Variants in TMEM260 observed in about 807,000 individuals in gnomAD.
The protein encoded by TMEM260 is protein O-mannosyl-transferase TMEM260.
In TMEM260, 82 loss-of-function variants were observed where a neutral mutation model predicts 88.9. The ratio of observed to expected loss-of-function variants is 0.92; its 90% CI spans 0.77 to 1.11. The LOEUF (loss-of-function observed/expected upper bound fraction) is 1.11. Among genes scored for constraint, TMEM260 ranks in the 50% least tolerant of loss-of-function variants. TMEM260 has a pLI of 0.00. For missense variants in TMEM260, 902 were observed against 853.4 expected (o/e 1.06, Z -0.71); for synonymous variants, 314 against 309.3 (o/e 1.02, Z -0.16).
chr14:56,637,346 TAA>T (rs1889184018), intron 15 of TMEM260, among the ~76,000 whole-genome samples: 1 of 152,196 alleles, frequency 6.6e-6, no homozygotes, highest in South Asian at 2.1e-4. Flanking sequence ...GAAGAGATGA[TAA>T]AGAGTCATGG....
Position 56,585,897 on chromosome 14 carries a change from T to C in TMEM260, c.329T>C (p.Phe110Ser). 2 of 1,612,164 alleles carry C rather than the reference T, an allele frequency of 1.2e-6. No homozygotes were observed. The highest frequency in any genetic ancestry group is 1.7e-6 in the Non-Finnish European group (2 of 1,179,332). Residue 110 changes from phenylalanine (F) to serine (S), a missense_variant, in exon 3 of 16, where the codon TTT (phenylalanine) becomes TCT (serine). Transcript: ENST00000261556. ...GGAGCAGTAGCTGCATCATTACTTT[T>C]TTTCACCGTTTTCAGGTAAAGTAGT... The part of the protein sequence containing the change: ...LFGAVAASLL[F>S]FTVFRLSGSS...
At chr14:56,640,123 T>C (rs949043911) in intron 15 of TMEM260, among the ~76,000 whole-genome samples, 5 of 152,244 alleles carry the variant, frequency 3.3e-5, no homozygotes, top group Non-Finnish European at 7.3e-5. Flanking sequence ...TAAATGTCCC[T>C]GTCTGACAGC....
the TMEM260 span, among the ~76,000 whole-genome samples, chr14:56,659,583 G>A: frequency 2.0e-5 from 3 of 152,172 alleles, no homozygotes; most frequent in African/African-American, 4.8e-5. Flanking sequence ...GGGAGGCTCC[G>A]GAGAGGCCGA....
At chr14:56,623,090 A>G (rs1254397831) in intron 11 of TMEM260, among the ~76,000 whole-genome samples, 1 of 152,240 alleles carries the variant, frequency 6.6e-6, no homozygotes, top group Non-Finnish European at 1.5e-5. Context: ...CATGGGGCTA[A>G]TGATTTTTCC....
chr14:56,640,445 A>G (rs965528116), intron 15 of TMEM260, among the ~76,000 whole-genome samples: 3 of 152,236 alleles, frequency 2.0e-5, no homozygotes, highest in Non-Finnish European at 4.4e-5. Flanking sequence ...CCTGACTGTT[A>G]GAAGGAAAAC....
At chr14:56,597,785 T>G (rs1566536017) in intron 3 of TMEM260, among the ~76,000 whole-genome samples, 1 of 152,050 alleles carries the variant, frequency 6.6e-6, no homozygotes, top group Admixed American at 6.5e-5. Flanking sequence ...AAAATTATTA[T>G]GAAATGAAAT....
chr14:56,601,500 A>G (rs994555439), intron 3 of TMEM260, among the ~76,000 whole-genome samples: 2 of 152,098 alleles, frequency 1.3e-5, no homozygotes, highest in Non-Finnish European at 1.5e-5. Context: ...TAAAGTTACC[A>G]TTTTTCCCTT....
Position 56,616,044 on chromosome 14 carries a change from C to G in TMEM260, c.941+17C>G, listed in dbSNP as rs371761875. ...AGCAACAAAGTAAGTAATACAATTCCTTTTTCTGTTATTTTTCTATGTTCA... is the reference window on the plus strand; with the variant it reads ...AGCAACAAAGTAAGTAATACAATTCGTTTTTCTGTTATTTTTCTATGTTCA... On this transcript the variant is annotated intron_variant, in intron 8 of 15. Coordinates refer to ENST00000261556, the MANE Select transcript of TMEM260 (RefSeq NM_017799.4). 22 of 1,557,758 alleles carry G rather than the reference C, an allele frequency of 1.4e-5. No homozygotes were observed. Among genetic ancestry groups the G allele is most frequent in the Admixed American group, 1.3e-4 (8 of 59,522 alleles).
chr14:56,636,494 A>T lies in TMEM260; in HGVS notation c.1779-14A>T. The T allele has an allele frequency of 6.2e-7, 1 of 1,612,450 alleles. No homozygotes were observed. The highest frequency in any genetic ancestry group is 1.1e-5 in the South Asian group (1 of 91,032). On this transcript the variant is annotated splice_polypyrimidine_tract_variant and intron_variant, in intron 14 of 15. Transcript: ENST00000261556. ...CTGTATGATTTTAATGAAGGTTCCT[A>T]TCCCCACCCCCAGGATGAAAACACC...
chr14:56,640,627 G>C (rs1889514344), intron 15 of TMEM260, among the ~76,000 whole-genome samples: 1 of 152,126 alleles, frequency 6.6e-6, no homozygotes, highest in Admixed American at 6.5e-5. Context: ...ACCAGCAATG[G>C]AACAAAGCTG....
chr14:56,612,236 T>G lies in TMEM260; in HGVS notation c.817-9T>G, dbSNP rs746590544. The stretch of plus-strand genomic sequence containing the variant: ...CTTGTGCAGATAAACTTTTGTCTTT[T>G]GTGTTTAGGCCAAATCTGAAATAGG... On this transcript the variant is annotated splice_polypyrimidine_tract_variant and intron_variant, in intron 6 of 15. Transcript: ENST00000261556. 6.2e-6 allele frequency: 10 copies of G among 1,612,910 alleles called. No individual in the cohort carries two copies. In the East Asian group the frequency reaches 2.0e-4, roughly 32 times the overall value.
intron 15 of TMEM260, among the ~76,000 whole-genome samples, chr14:56,641,289 G>A (rs1391433888): frequency 1.3e-5 from 2 of 152,248 alleles, no homozygotes; most frequent in East Asian, 3.9e-4. Context: ...CCCACAAAGG[G>A]AAGCCCATCA....
chr14:56,605,718 AT>A, intron 5 of TMEM260, 35 bp downstream of exon 5: 1 of 1,278,286 alleles, frequency 7.8e-7, no homozygotes, highest in Admixed American at 2.1e-5. Context: ...AAAGTACAAT[AT>A]TTTACTTAGG....
rs1008719712 is a variant in TMEM260, at chr14:56,579,985, G to A, written c.71G>A (p.Gly24Glu). The A allele has an allele frequency of 1.5e-5, 19 of 1,245,240 alleles. No homozygotes were observed. The highest frequency in any genetic ancestry group is 3.0e-6 in the Non-Finnish European group (3 of 989,192). The allele number at this position is 1,245,240 out of a possible 1,614,324, so 77.1% of individuals were successfully genotyped here. A position where few individuals can be genotyped will look rare whatever the true frequency, so the allele number is the denominator to read the frequency against. ...RAVRVGLRRSGGIRGGVAVFA... is the reference protein window; with the variant it reads ...RAVRVGLRRSEGIRGGVAVFA... ...GTCCGAGTGGGGCTGCGGCGCTCCG[G>A]GGGCATCCGCGGCGGCGTGGCGGTG... is the stretch of plus-strand genomic sequence containing the variant. Residue 24 changes from glycine (G) to glutamate (E), a missense_variant, in exon 1 of 16, where the codon GGG becomes GAG. Gly to Glu is a moderately conservative substitution (Grantham distance 98, BLOSUM62 -2). Transcript: ENST00000261556.
At chr14:56,640,210 C>A (rs1889471386) in intron 15 of TMEM260, among the ~76,000 whole-genome samples, 1 of 152,202 alleles carries the variant, frequency 6.6e-6, no homozygotes, top group Admixed American at 6.5e-5. Context: ...AAGTGGGTCC[C>A]TGACCCCCGA....
At chr14:56,635,481 T>C (rs1015183641) in intron 14 of TMEM260, among the ~76,000 whole-genome samples, 1 of 152,164 alleles carries the variant, frequency 6.6e-6, no homozygotes, top group South Asian at 2.1e-4. Flanking sequence ...TTAAAGGAGA[T>C]TGAAATATTA....
At position 56,647,639 on chromosome 14, in the gene TMEM260, C is replaced by T. The variant is rs570559721; in HGVS notation, c.*142C>T. The stretch of plus-strand genomic sequence containing the variant: ...ATATAAGTATCATGGTCCAGCAGTA[C>T]TGTTTAATGGGGTATTCAGTGACTA... On this transcript the variant is annotated 3_prime_UTR_variant, in exon 16 of 16. Coordinates refer to ENST00000261556, the MANE Select transcript of TMEM260 (RefSeq NM_017799.4). 24 of 919,822 alleles carry T rather than the reference C, an allele frequency of 2.6e-5. No individual in the cohort carries two copies. The African/African-American group carries it at 3.5e-4, about 14-fold the overall frequency. 57.0% of individuals were successfully genotyped at this position (919,822 alleles called of 1,614,324 possible).
chr14:56,623,473 A>G (rs1037876683), intron 11 of TMEM260, among the ~76,000 whole-genome samples: 11 of 152,144 alleles, frequency 7.2e-5, no homozygotes, highest in Non-Finnish European at 1.5e-5. Context: ...CCACTGACCA[A>G]TACTGAGTCA....
chr14:56,634,642 AACCAGCCTAGCCAACATGGTGAAAC>A (rs1888887299), intron 13 of TMEM260, among the ~76,000 whole-genome samples: 1 of 152,144 alleles, frequency 6.6e-6, no homozygotes, highest in Non-Finnish European at 1.5e-5. Flanking sequence ...AGGAGTTTGA[AACCAGCCTAGCCAACATGGTGAAAC>A]TCCATTTCCA....
Sources: gnomAD v4.1 joint callset for allele counts (sites outside exome capture counted in the v4.1 genomes callset) on GRCh38, gnomAD v4.1.1 for gene constraint, MANE v1.5 for transcripts, NCBI Gene and HGNC (gene_info 2026-07-23, HGNC 2026-07-21) for gene names.